The following KIF27 variants were observed in gnomAD, a reference collection of about 807,000 sequenced individuals.
KIF27 encodes kinesin family member 27.
A neutral mutation model predicts 141.8 loss-of-function variants in KIF27; 84 were observed. The ratio of observed to expected loss-of-function variants is 0.59; its 90% CI spans 0.50 to 0.71. The LOEUF (loss-of-function observed/expected upper bound fraction) is 0.71, where lower values mean the gene tolerates loss of function less well. KIF27 is among the 30% of genes least tolerant of loss of function. KIF27 has a pLI of 0.00. For synonymous variants in KIF27, 471 were observed against 569.5 expected, an observed-to-expected ratio of 0.83 and a Z score of 2.46; for missense variants, 1,306 against 1,628.4, an observed-to-expected ratio of 0.80 and a Z score of 3.41.
In KIF27 at chr9:83,877,130, A is replaced by G. The variant is rs1325431774; in HGVS notation, c.2643+3167T>C. 3.9e-5 allele frequency among the ~76,000 whole-genome samples: 6 copies of G among 152,218 alleles called. No individual in the cohort carries two copies. The South Asian group carries it at 6.2e-4, about 16-fold the overall frequency. ...TATACAACATGATGTTTTGATATAC[A>G]TAGTGAAATGATTACTATAGTCAAG... is the stretch of plus-strand genomic sequence containing the variant. On this transcript the variant is annotated intron_variant, in intron 11 of 17. Coordinates refer to ENST00000297814, the MANE Select transcript of KIF27 (RefSeq NM_017576.4).
intron 3 of KIF27, among the ~76,000 whole-genome samples, chr9:83,907,605 A>C (rs1174176838): frequency 1.3e-5 from 2 of 152,098 alleles, no homozygotes; most frequent in African/African-American, 4.8e-5. Context: ...CAGGCTACTA[A>C]TGCAGAAAGT....
intron 7 of KIF27, among the ~76,000 whole-genome samples, chr9:83,888,836 A>C (rs1184477527): frequency 6.6e-6 from 1 of 151,008 alleles, no homozygotes; most frequent in Non-Finnish European, 1.5e-5. Flanking sequence ...AAAAAAAAAA[A>C]ACCTCTGAAA....
intron 8 of KIF27, 29 bp downstream of exon 8, chr9:83,888,460 G>T: frequency 2.8e-6 from 3 of 1,074,594 alleles, no homozygotes; most frequent in Admixed American, 4.2e-5. Context: ...TAACCATTAG[G>T]TCTACATTAT....
At chr9:83,905,340 G>A (rs528852285) in intron 3 of KIF27, among the ~76,000 whole-genome samples, 4 of 152,148 alleles carry the variant, frequency 2.6e-5, no homozygotes, top group East Asian at 1.9e-4. Context: ...GGATGGTCTC[G>A]ATCTCCTGAC....
chr9:83,911,698 C>T lies in KIF27; in HGVS notation c.299-3046G>A, dbSNP rs113766726. On this transcript the variant is annotated intron_variant, in intron 2 of 17. Coordinates refer to ENST00000297814, the MANE Select transcript of KIF27 (RefSeq NM_017576.4). ...CTGGGATTACAGGCGCACACCACCA[C>T]GTCTGACTGGTTTTTTTGTATTTAT... Among the ~76,000 whole-genome samples the T allele has an allele frequency of 1.5e-4, 23 of 152,208 alleles. 1 individual carries two copies. Among genetic ancestry groups the T allele is most frequent in the Admixed American group, 5.9e-4 (9 of 15,280 alleles).
chr9:83,921,050 C>T (rs1282906912), intron 1 of KIF27, among the ~76,000 whole-genome samples: 1 of 152,198 alleles, frequency 6.6e-6, no homozygotes, highest in Non-Finnish European at 1.5e-5. Flanking sequence ...GTCCCGCGTT[C>T]CGGTCGATCG....
At chr9:83,863,772 T>C (rs1303016955) in intron 13 of KIF27, 1 of 152,216 alleles carries the variant, frequency 6.6e-6, no homozygotes, top group Non-Finnish European at 1.5e-5. Context: ...TCCTTGTACC[T>C]CTGGTAGAAT....
intron 11 of KIF27, chr9:83,880,003 T>C (rs1951543900): frequency 9.9e-6 from 5 of 504,310 alleles, no homozygotes; most frequent in Middle Eastern, 5.1e-4. Context: ...ATTTAGAAAG[T>C]TGGCTTTATA....
intron 8 of KIF27, among the ~76,000 whole-genome samples, chr9:83,887,883 T>TA (rs1276823561): frequency 1.3e-5 from 2 of 152,064 alleles, no homozygotes; most frequent in African/African-American, 4.8e-5. Context: ...TATAGGTTCT[T>TA]AAAGAGATGC....
intron 8 of KIF27, among the ~76,000 whole-genome samples, chr9:83,887,984 A>C (rs898207980): frequency 7.1e-6 from 1 of 139,932 alleles, no homozygotes; most frequent in African/African-American, 2.7e-5. Context: ...ATGAGTTAAC[A>C]AAATCTCCTA....
rs556174788 is a variant in KIF27, at chr9:83,899,682, C to A, written c.1581G>T (p.Ala527=). 34 of 1,613,130 alleles carry A rather than the reference C, an allele frequency of 2.1e-5. No homozygotes were observed. In the Admixed American group the frequency reaches 5.3e-4, roughly 25 times the overall value. Residue 527 remains alanine, a synonymous_variant, in exon 5 of 18, where the codon GCG becomes GCT. Coordinates refer to ENST00000297814, the MANE Select transcript of KIF27 (RefSeq NM_017576.4). ...CTACCTGCAGTCTATTCACTTTTTGCGCTTCTTTCAAAGATACAGCATGCC... is the reference window on the plus strand; with the variant it reads ...CTACCTGCAGTCTATTCACTTTTTGAGCTTCTTTCAAAGATACAGCATGCC... ...NKGHAVSLKE[A]QKVNRLQNEK... is the part of the protein sequence containing the mutation.
chr9:83,848,298 A>ATGATATATATGATATATCATATC (rs1947987580), intron 16 of KIF27, among the ~76,000 whole-genome samples: 2 of 112,178 alleles, frequency 1.8e-5, no homozygotes, highest in African/African-American at 3.8e-5. Flanking sequence ...TATATCAGAT[A>ATGATATATATGATATATCATATC]TGATATATAT....
At chr9:83,884,684 T>G (rs1230446512) in intron 9 of KIF27, among the ~76,000 whole-genome samples, 1 of 152,156 alleles carries the variant, frequency 6.6e-6, no homozygotes, top group Non-Finnish European at 1.5e-5. Context: ...ATTATCACAC[T>G]AACAATATTA....
In KIF27 at chr9:83,859,332, T is replaced by C. The variant is rs1281839497; in HGVS notation, c.2974A>G (p.Asn992Asp). ...TCAGACAACTCTTGTTCCAGTAAGT[T>C]CAGGCGAGTTGATATTTTCAAACTA... ...TDSLKISTRL[N>D]LLEQELSEKN... Residue 992 changes from asparagine (N) to aspartate (D), a missense_variant, in exon 14 of 18, where the codon AAC (asparagine) becomes GAC (aspartate). Around this residue, in one of 4 missense-constraint regions of KIF27, gnomAD observed 596 missense variants for 751.6 expected, o/e 0.79. Coordinates refer to ENST00000297814, the MANE Select transcript of KIF27 (RefSeq NM_017576.4). 5 of 1,614,128 alleles carry C rather than the reference T, an allele frequency of 3.1e-6. No individual in the cohort carries two copies. The highest frequency in any genetic ancestry group is 4.2e-6 in the Non-Finnish European group (5 of 1,180,004).
Position 83,915,277 on chromosome 9 carries a change from G to A in KIF27, c.298+17C>T. The A allele has an allele frequency of 6.4e-7, 1 of 1,563,086 alleles. No individual in the cohort carries two copies. The highest frequency in any genetic ancestry group is 1.2e-5 in the South Asian group (1 of 82,614). On this transcript the variant is annotated intron_variant, in intron 2 of 17. Transcript: ENST00000297814. ...TCTAGCGTCACAAATAAAAGTCAAA[G>A]AGTATAAGAATCTTACCAATATGGC...
chr9:83,889,195 C>T lies in KIF27; in HGVS notation c.1868G>A (p.Arg623Gln), dbSNP rs367944774. 2.5e-5 allele frequency: 40 copies of T among 1,613,490 alleles called. No homozygotes were observed. The highest frequency in any genetic ancestry group is 5.5e-5 in the South Asian group (5 of 91,040). The change falls in exon 7 of 18, where the codon CGA becomes CAA. Residue 623 changes from arginine to glutamine, a missense_variant. Arg to Gln is a conservative substitution (Grantham distance 43, BLOSUM62 1). This residue lies in a region of KIF27 where 596 missense variants were observed against 751.6 expected (regional missense o/e 0.79). Coordinates refer to ENST00000297814, the MANE Select transcript of KIF27 (RefSeq NM_017576.4). ...LDRIFAGFRT[R>Q]SQMLLGHIEE... Reference sequence around the variant, plus strand: ...TATGTGACCCAACAGCATCTGACTTCGTGTTCGAAATCCAGCAAATATTCG... The same window carrying T: ...TATGTGACCCAACAGCATCTGACTTTGTGTTCGAAATCCAGCAAATATTCG...
At chr9:83,842,539 C>G in intron 16 of KIF27, 138 bp from the exon 17 acceptor site, 2 of 1,137,708 alleles carry the variant, frequency 1.8e-6, no homozygotes, top group Non-Finnish European at 2.3e-6. Context: ...ATGCTCGGCT[C>G]ACTGTAAGCT....
intron 11 of KIF27, among the ~76,000 whole-genome samples, chr9:83,872,234 T>C (rs1223030689): frequency 1.3e-5 from 2 of 152,056 alleles, no homozygotes; most frequent in African/African-American, 4.8e-5. Flanking sequence ...GAGAATCGCT[T>C]GAACTTGAGA....
At chr9:83,893,141 G>C (rs544800682) in intron 5 of KIF27, among the ~76,000 whole-genome samples, 2 of 152,322 alleles carry the variant, frequency 1.3e-5, no homozygotes, top group South Asian at 4.1e-4. Flanking sequence ...GGAGGCTGAA[G>C]TGGGAGGACT....
Sources: allele counts gnomAD v4.1 joint callset (sites outside exome capture counted in the v4.1 genomes callset), GRCh38; gene constraint gnomAD v4.1.1; regional missense constraint gnomAD v4.1.1; transcripts MANE v1.5; gene names NCBI Gene and HGNC (gene_info 2026-07-23, HGNC 2026-07-21).